Variants in RAP1A observed in about 807,000 individuals in gnomAD.
The protein encoded by RAP1A is ras-related protein Rap-1A.
In RAP1A, 6 loss-of-function variants were observed where a neutral mutation model predicts 26.4. That is an observed-to-expected ratio of 0.23 (90% CI 0.12 to 0.45). The LOEUF is 0.45. Ranked by LOEUF, RAP1A falls within the 20% of genes least tolerant of loss-of-function variation. The pLI is 0.99. For missense variants in RAP1A, 121 were observed against 217.2 expected, an observed-to-expected ratio of 0.56 and a Z score of 2.78; for synonymous variants, 73 against 79.4, an observed-to-expected ratio of 0.92 and a Z score of 0.43.
At chr1:111,701,909 A>G (rs72697825) in intron 4 of RAP1A, among the ~76,000 whole-genome samples, 2,575 of 152,360 alleles carry the variant, frequency 0.017, 33 homozygotes, top group Non-Finnish European at 0.028. Context: ...AACTTTATCA[A>G]TGAAAAATCC....
intron 1 of RAP1A, among the ~76,000 whole-genome samples, chr1:111,669,026 GAAA>G (rs58557062): frequency 7.6e-4 from 15 of 19,842 alleles, no homozygotes; most frequent in South Asian, 1.9e-3. Context: ...CCTATCTCAA[GAAA>G]AAAAAAAAAA....
intron 1 of RAP1A, among the ~76,000 whole-genome samples, chr1:111,547,400 A>G (rs1657072810): frequency 6.6e-6 from 1 of 152,084 alleles, no homozygotes; most frequent in Non-Finnish European, 1.5e-5. Context: ...ATTTTTATAT[A>G]TCAAATCAAT....
intron 1 of RAP1A, among the ~76,000 whole-genome samples, chr1:111,658,049 T>C (rs568607190): frequency 1.2e-4 from 18 of 152,300 alleles, no homozygotes; most frequent in African/African-American, 4.1e-4. Flanking sequence ...TGGTCTATCT[T>C]GGTAAATGTT....
chr1:111,666,918 G>T (rs934617076), intron 1 of RAP1A, among the ~76,000 whole-genome samples: 5 of 152,184 alleles, frequency 3.3e-5, no homozygotes, highest in Non-Finnish European at 7.4e-5. Context: ...CAGTGTGGCT[G>T]TCATAGAGAG....
chr1:111,709,616 T>G lies in RAP1A; in HGVS notation c.*29+352T>G, dbSNP rs186279221. The stretch of plus-strand genomic sequence containing the variant: ...AAACAGTAGTTGCTCTGAAAAAGTT[T>G]AAGTGCACATTTGGTGAATTATCCC... On this transcript the variant is annotated intron_variant, in intron 7 of 7. Transcript: ENST00000369709. Among the ~76,000 whole-genome samples the G allele has an allele frequency of 1.7e-3, 261 of 152,312 alleles. 2 individuals are homozygous for G. Among genetic ancestry groups the G allele is most frequent in the Middle Eastern group, 0.017 (5 of 294 alleles).
chr1:111,570,050 A>T (rs1214577628), intron 1 of RAP1A, among the ~76,000 whole-genome samples: 1 of 152,088 alleles, frequency 6.6e-6, no homozygotes, highest in Non-Finnish European at 1.5e-5. Context: ...GAACCTTCTT[A>T]ATGTCCCAGG....
Position 111,709,177 on chromosome 1 carries a change from A to G in RAP1A, c.497A>G (p.Asn166Ser), listed in dbSNP as rs1259384707. Reference sequence around the variant, plus strand: ...TTTTATGACCTGGTCAGACAGATAAATAGGAAAACACCAGTGGAAAAGAAG... The same window carrying G: ...TTTTATGACCTGGTCAGACAGATAAGTAGGAAAACACCAGTGGAAAAGAAG... ...EIFYDLVRQI[N>S]RKTPVEKKKP... The change falls in exon 7 of 8, where the codon AAT becomes AGT. Residue 166 changes from asparagine (N) to serine (S), a missense_variant. Asn to Ser is a conservative substitution (Grantham distance 46). Transcript: ENST00000369709. 1 of 1,613,600 alleles carries G rather than the reference A, an allele frequency of 6.2e-7. No homozygotes were observed. The highest frequency in any genetic ancestry group is 8.5e-7 in the Non-Finnish European group (1 of 1,179,866).
chr1:111,707,663 A>G (rs562196655), intron 6 of RAP1A, among the ~76,000 whole-genome samples: 1 of 152,316 alleles, frequency 6.6e-6, no homozygotes, highest in African/African-American at 2.4e-5. Context: ...AGAATTATTT[A>G]TTCCAGATTA....
At chr1:111,617,462 T>A (rs1006065921), upstream of RAP1A, among the ~76,000 whole-genome samples, 3 of 152,140 alleles carry the variant, frequency 2.0e-5, no homozygotes, top group African/African-American at 7.2e-5. Context: ...TTACAGAGTC[T>A]CGCTCTGTTG....
chr1:111,648,399 C>T (rs773787161), intron 1 of RAP1A: 9 of 618,920 alleles, frequency 1.5e-5, no homozygotes, highest in East Asian at 3.3e-5. Flanking sequence ...TCCAGGGCAT[C>T]ACCAAGATTG....
chr1:111,639,560 TA>T (rs1659833325), intron 1 of RAP1A, among the ~76,000 whole-genome samples: 1 of 128,606 alleles, frequency 7.8e-6, no homozygotes. Flanking sequence ...ACTAATACAT[TA>T]TGAACTTTTT....
At chr1:111,679,439 G>A (rs1410777045) in intron 1 of RAP1A, among the ~76,000 whole-genome samples, 1 of 152,198 alleles carries the variant, frequency 6.6e-6, no homozygotes, top group South Asian at 2.1e-4. Context: ...CAGGGTCTGG[G>A]GTTTCAGGCA....
chr1:111,676,981 A>G (rs1455530885), intron 1 of RAP1A, among the ~76,000 whole-genome samples: 1 of 152,076 alleles, frequency 6.6e-6, no homozygotes, highest in Non-Finnish European at 1.5e-5. Context: ...TTTAGTAGAG[A>G]TGAGGTTTCA....
At chr1:111,568,790 C>T (rs1657979444) in intron 1 of RAP1A, among the ~76,000 whole-genome samples, 1 of 152,064 alleles carries the variant, frequency 6.6e-6, no homozygotes, top group African/African-American at 2.4e-5. Context: ...CCGCCCCTGC[C>T]ACTCCTGAGA....
intron 1 of RAP1A, among the ~76,000 whole-genome samples, chr1:111,571,869 T>G (rs1210965204): frequency 1.3e-5 from 2 of 152,216 alleles, no homozygotes; most frequent in Non-Finnish European, 2.9e-5. Context: ...TTTTGTAATT[T>G]AAAAAGGCTA....
chr1:111,706,269 A>G (rs904294925), intron 6 of RAP1A, among the ~76,000 whole-genome samples: 8 of 152,146 alleles, frequency 5.3e-5, no homozygotes, highest in Non-Finnish European at 7.4e-5. Context: ...TTATAACCCA[A>G]TAATCCAGCT....
At chr1:111,695,664 T>C (rs556272674) in intron 3 of RAP1A, among the ~76,000 whole-genome samples, 9 of 152,216 alleles carry the variant, frequency 5.9e-5, no homozygotes. Context: ...TTGCCACATA[T>C]GAAAAAATTG....
chr1:111,622,426 C>T (rs1203778800), intron 1 of RAP1A, among the ~76,000 whole-genome samples: 5 of 152,214 alleles, frequency 3.3e-5, no homozygotes, highest in African/African-American at 9.6e-5. Flanking sequence ...ACTGAGGTGT[C>T]TGCACTTAAT....
At chr1:111,705,297 A>T (rs1393343193) in intron 6 of RAP1A, among the ~76,000 whole-genome samples, 1 of 152,190 alleles carries the variant, frequency 6.6e-6, no homozygotes, top group Non-Finnish European at 1.5e-5. Flanking sequence ...CATTACAGGT[A>T]ATCAGTCAGA....
Sources: allele counts gnomAD v4.1 joint callset (sites outside exome capture counted in the v4.1 genomes callset), GRCh38; gene constraint gnomAD v4.1.1; transcripts MANE v1.5; gene names NCBI Gene and HGNC (gene_info 2026-07-23, HGNC 2026-07-21).